The following SCEL variants were observed in gnomAD, a reference collection of about 807,000 sequenced individuals.
SCEL encodes the protein sciellin.
A neutral mutation model predicts 117.6 loss-of-function variants in SCEL; 113 were observed. The observed-to-expected ratio is 0.96, with a 90% CI of 0.83 to 1.12. The LOEUF (loss-of-function observed/expected upper bound fraction) is 1.12, where lower values mean the gene tolerates loss of function less well. SCEL is among the 50% of genes most tolerant of loss of function. The pLI, the probability that SCEL is intolerant of heterozygous loss-of-function variation, is 0.00. For missense variants in SCEL, 785 were observed against 810.8 expected (o/e 0.97, Z 0.39); for synonymous variants, 270 against 256.2 (o/e 1.05, Z -0.51).
At chr13:77,613,841 A>C in intron 23 of SCEL, 52 bp from the exon 24 acceptor site, 1 of 1,466,608 alleles carries the variant, frequency 6.8e-7, no homozygotes, top group Middle Eastern at 1.7e-4. Flanking sequence ...CTGTCAAAAC[A>C]AAAAAGAAAT....
chr13:77,616,335 T>C (rs977178556), intron 24 of SCEL, among the ~76,000 whole-genome samples: 1 of 152,070 alleles, frequency 6.6e-6, no homozygotes, highest in Non-Finnish European at 1.5e-5. Context: ...CAAAGTTTTA[T>C]TCTTTGTATT....
intron 28 of SCEL, among the ~76,000 whole-genome samples, chr13:77,632,854 T>G (rs562852559): frequency 6.6e-5 from 10 of 152,352 alleles, no homozygotes; most frequent in African/African-American, 2.4e-4. Flanking sequence ...AAATATTGCC[T>G]TCCATTAAAA....
intron 27 of SCEL, among the ~76,000 whole-genome samples, chr13:77,621,611 G>A (rs147545586): frequency 2.5e-4 from 38 of 152,228 alleles, no homozygotes; most frequent in African/African-American, 7.7e-4. Context: ...GGGTAACTAC[G>A]GGGTCTGCCT....
rs534808532 is a variant in SCEL, at chr13:77,644,205, G to A, written c.2051-53G>A. 1.2e-4 allele frequency: 196 copies of A among 1,601,760 alleles called. No individual in the cohort carries two copies. In the East Asian group the frequency reaches 4.3e-3, roughly 35 times the overall value. ...TGAATAATAGTCTGTAAATTTTAAT[G>A]ATGAGCTTGTTTCTGTACTGAATTT... is the stretch of plus-strand genomic sequence containing the variant. On this transcript the variant is annotated intron_variant, in intron 32 of 32. Transcript: ENST00000349847.
At chr13:77,593,898 C>T (rs947213271) in intron 12 of SCEL, among the ~76,000 whole-genome samples, 6 of 152,142 alleles carry the variant, frequency 3.9e-5, no homozygotes, top group African/African-American at 7.2e-5. Context: ...AGCACCACCC[C>T]TCAGGATGTC....
rs2084376021 is a variant in SCEL at position 77,552,245 on chromosome 13, T to C, written c.-19-3612T>C. 2.7e-5 allele frequency among the ~76,000 whole-genome samples: 4 copies of C among 148,932 alleles called. No individual in the cohort carries two copies. In the South Asian group the frequency reaches 8.6e-4, roughly 32 times the overall value. On this transcript the variant is annotated intron_variant, in intron 1 of 32. Coordinates refer to ENST00000349847, the MANE Select transcript of SCEL (RefSeq NM_144777.3). ...TGGCTGGGTCAAATGGTATTTCTAG[T>C]TCTAGATCCCTGAGGAATCGCCACA...
intron 4 of SCEL, among the ~76,000 whole-genome samples, chr13:77,561,074 C>G (rs1474488734): frequency 6.6e-6 from 1 of 152,184 alleles, no homozygotes; most frequent in African/African-American, 2.4e-5. Flanking sequence ...CTGGCAGACT[C>G]TCTGCCGAGG....
At chr13:77,635,270 C>G (rs896584445) in intron 29 of SCEL, among the ~76,000 whole-genome samples, 41 of 152,282 alleles carry the variant, frequency 2.7e-4, no homozygotes, top group African/African-American at 9.9e-4. Context: ...AATTCTCACT[C>G]TCTGGCGTGT....
chr13:77,557,986 TA>T (rs1320135399), intron 3 of SCEL, among the ~76,000 whole-genome samples: 3 of 152,266 alleles, frequency 2.0e-5, no homozygotes, highest in African/African-American at 7.2e-5. Context: ...TTTAGAGATT[TA>T]GAGACTCACA....
chr13:77,542,399 C>CAACA (rs139263630), intron 1 of SCEL, among the ~76,000 whole-genome samples: 28,090 of 151,806 alleles, frequency 0.19, 2,721 homozygotes, highest in Non-Finnish European at 0.21. Flanking sequence ...GATTCCGTCT[C>CAACA]AACAAACAAA....
rs533714511 is a variant in SCEL at position 77,604,365 on chromosome 13, C to A, written c.1107C>A (p.Asp369Glu). Residue 369 changes from aspartate (D) to glutamate (E), a missense_variant, in exon 19 of 33, where the codon GAC (aspartate) becomes GAA (glutamate). Asp to Glu is a conservative substitution (Grantham distance 45). Coordinates refer to ENST00000349847, the MANE Select transcript of SCEL (RefSeq NM_144777.3). ...KGHENTTGKK[D>E]LDGLIKVDPE... Reference sequence around the variant, plus strand: ...ATTTCCTTTTTCAAAGAAAAAAAGACCTTGATGGGCTTATTAAAGTGGATC... The same window carrying A: ...ATTTCCTTTTTCAAAGAAAAAAAGAACTTGATGGGCTTATTAAAGTGGATC... The A allele has an allele frequency of 1.5e-5, 24 of 1,568,838 alleles. No homozygotes were observed. The highest frequency in any genetic ancestry group is 3.6e-5 in the South Asian group (3 of 83,298).
chr13:77,625,933 T>G (rs1196839114), intron 27 of SCEL, among the ~76,000 whole-genome samples: 1 of 152,204 alleles, frequency 6.6e-6, no homozygotes, highest in Non-Finnish European at 1.5e-5. Flanking sequence ...TCTCAAAATG[T>G]GGAATCAATA....
chr13:77,603,074 A>G lies in SCEL; in HGVS notation c.1038-2A>G. On this transcript the variant is annotated splice_acceptor_variant, in intron 17 of 32. Coordinates refer to ENST00000349847, the MANE Select transcript of SCEL (RefSeq NM_144777.3). LOFTEE classifies it high-confidence loss of function. ...AACTGATATAAACTTTTTTTTTTAA[A>G]GAAGTGAAGACCTTGATAATGCTAC... The G allele has an allele frequency of 6.6e-7, 1 of 1,524,656 alleles. No homozygotes were observed. 94.4% of individuals were successfully genotyped at this position (1,524,656 alleles called of 1,614,324 possible).
At position 77,642,837 on chromosome 13, in the gene SCEL, C is replaced by G. The variant is rs765797423; in HGVS notation, c.2050+29C>G. On this transcript the variant is annotated intron_variant, in intron 32 of 32. Coordinates refer to ENST00000349847, the MANE Select transcript of SCEL (RefSeq NM_144777.3). ...AGTGTTACACTCTAAGCATTTAACACTTTGGTTAACCTTAATGAGCATTTG... is the reference window on the plus strand; with the variant it reads ...AGTGTTACACTCTAAGCATTTAACAGTTTGGTTAACCTTAATGAGCATTTG... The G allele has an allele frequency of 3.2e-6, 4 of 1,266,768 alleles. No homozygotes were observed. In the South Asian group the frequency reaches 5.7e-5, roughly 18 times the overall value. The allele number at this position is 1,266,768 out of a possible 1,614,324, so 78.5% of individuals were successfully genotyped here. A position where few individuals can be genotyped will look rare whatever the true frequency, so the allele number is the denominator to read the frequency against.
chr13:77,642,588 A>G (rs2090608880), intron 31 of SCEL, 118 bp from the exon 32 acceptor site: 1 of 552,756 alleles, frequency 1.8e-6, no homozygotes, highest in Non-Finnish European at 3.1e-6. Flanking sequence ...TGAAGTAGAA[A>G]ACTTCAGTGA....
intron 1 of SCEL, among the ~76,000 whole-genome samples, chr13:77,544,323 T>C (rs1225151914): frequency 6.6e-6 from 1 of 152,228 alleles, no homozygotes; most frequent in Non-Finnish European, 1.5e-5. Context: ...TAACCAATTT[T>C]AGTTTCTTTG....
At chr13:77,609,164 T>C in intron 21 of SCEL, 47 bp downstream of exon 21, 1 of 1,371,200 alleles carries the variant, frequency 7.3e-7, no homozygotes, top group Non-Finnish European at 1.0e-6. Flanking sequence ...AACCAATGCC[T>C]AAAAGTATAA....
At chr13:77,565,882 A>G (rs1245931872) in intron 5 of SCEL, among the ~76,000 whole-genome samples, 2 of 152,340 alleles carry the variant, frequency 1.3e-5, no homozygotes, top group South Asian at 2.1e-4. Flanking sequence ...TTGTGAAAGT[A>G]TAACTTCTCC....
intron 27 of SCEL, among the ~76,000 whole-genome samples, chr13:77,625,117 C>T (rs1269381733): frequency 6.6e-6 from 1 of 152,160 alleles, no homozygotes; most frequent in Non-Finnish European, 1.5e-5. Context: ...AGTCACACCT[C>T]CTGATGATCT....
Sources: allele counts gnomAD v4.1 joint callset (sites outside exome capture counted in the v4.1 genomes callset), GRCh38; gene constraint gnomAD v4.1.1; transcripts MANE v1.5; gene names NCBI Gene and HGNC (gene_info 2026-07-23, HGNC 2026-07-21).